The following CACNG3 variants were observed in gnomAD, a reference collection of about 807,000 sequenced individuals.
The protein encoded by CACNG3 is voltage-dependent calcium channel gamma-3 subunit.
CACNG3 carries 3 observed loss-of-function variants against 28.5 expected under a neutral mutation model. The ratio of observed to expected loss-of-function variants is 0.11; its 90% CI spans 0.05 to 0.27. The LOEUF (loss-of-function observed/expected upper bound fraction) is 0.27, where lower values mean the gene tolerates loss of function less well. Among genes scored for constraint, CACNG3 ranks in the 10% least tolerant of loss-of-function variants. CACNG3 has a pLI of 1.00. For missense variants in CACNG3, 236 were observed against 414.4 expected, an observed-to-expected ratio of 0.57 and a Z score of 3.74; for synonymous variants, 174 against 162.2, an observed-to-expected ratio of 1.07 and a Z score of -0.55.
intron 1 of CACNG3, among the ~76,000 whole-genome samples, chr16:24,296,115 T>A (rs1899029322): frequency 6.6e-6 from 1 of 152,180 alleles, no homozygotes; most frequent in Admixed American, 6.5e-5. Context: ...GCCCCCAGGA[T>A]GACAAGGTCA....
intron 2 of CACNG3, among the ~76,000 whole-genome samples, chr16:24,353,577 G>T (rs911090707): frequency 6.6e-6 from 1 of 152,082 alleles, no homozygotes; most frequent in African/African-American, 2.4e-5. Context: ...ACTCTGCTTC[G>T]ACTCCTCAGC....
chr16:24,266,351 C>T (rs1219316358), intron 1 of CACNG3, among the ~76,000 whole-genome samples: 2 of 152,146 alleles, frequency 1.3e-5, no homozygotes, highest in African/African-American at 4.8e-5. Flanking sequence ...GTTCAGTATG[C>T]TCATGAAACT....
intron 2 of CACNG3, among the ~76,000 whole-genome samples, chr16:24,347,787 T>C (rs1468856123): frequency 1.3e-5 from 2 of 152,254 alleles, no homozygotes; most frequent in African/African-American, 2.4e-5. Context: ...CTCTGGAATC[T>C]GGGCTTTGAC....
At chr16:24,289,105 C>T (rs1452793589) in intron 1 of CACNG3, among the ~76,000 whole-genome samples, 6 of 152,240 alleles carry the variant, frequency 3.9e-5, no homozygotes, top group Middle Eastern at 3.4e-3. Context: ...AACCGCATGT[C>T]TACAAAGGTA....
chr16:24,279,058 G>A (rs532179137), intron 1 of CACNG3, among the ~76,000 whole-genome samples: 2 of 152,312 alleles, frequency 1.3e-5, no homozygotes, highest in African/African-American at 4.8e-5. Context: ...ATACAGTAAT[G>A]GCTGGAGCAG....
At chr16:24,286,941 C>T (rs951906927) in intron 1 of CACNG3, among the ~76,000 whole-genome samples, 2 of 152,168 alleles carry the variant, frequency 1.3e-5, no homozygotes, top group Admixed American at 1.3e-4. Flanking sequence ...GAGGAAGGCT[C>T]CTGTGCAAGG....
intron 1 of CACNG3, among the ~76,000 whole-genome samples, chr16:24,307,796 G>A (rs887141468): frequency 7.2e-5 from 11 of 152,138 alleles, no homozygotes; most frequent in African/African-American, 2.2e-4. Flanking sequence ...GAATGGTGGC[G>A]TGAAACATGG....
chr16:24,303,633 G>T (rs1027838114), intron 1 of CACNG3, among the ~76,000 whole-genome samples: 2 of 151,312 alleles, frequency 1.3e-5, no homozygotes, highest in African/African-American at 4.9e-5. Flanking sequence ...ATTTGCTTGC[G>T]AAGTGGTTGG....
chr16:24,256,940 G>A lies in CACNG3; in HGVS notation c.186G>A (p.Gly62=), dbSNP rs1480562008. Residue 62 remains glycine (G), a synonymous_variant, in exon 1 of 4, where the codon GGG becomes GGA. Transcript: ENST00000005284. This position sits in a 1 kb window ranked among gnomAD's most constrained non-coding sequence, Gnocchi z 4.6. The part of the protein sequence containing the change: ...RKNEEVMTHS[G]LWRTCCLEGA... ...ATGAAGAAGTAATGACCCATTCGGG[G>A]CTGTGGAGGACCTGCTGCCTAGAAG... 3 of 1,612,798 alleles carry A rather than the reference G, an allele frequency of 1.9e-6. No individual in the cohort carries two copies. The highest frequency in any genetic ancestry group is 2.5e-6 in the Non-Finnish European group (3 of 1,178,838).
intron 1 of CACNG3, among the ~76,000 whole-genome samples, chr16:24,275,114 A>C (rs1262755868): frequency 6.6e-6 from 1 of 151,998 alleles, no homozygotes; most frequent in Admixed American, 6.6e-5. Context: ...AATCCCAGCT[A>C]CTCAGGAAGC....
chr16:24,296,424 C>G (rs1333990045), intron 1 of CACNG3, among the ~76,000 whole-genome samples: 1 of 152,162 alleles, frequency 6.6e-6, no homozygotes, highest in Non-Finnish European at 1.5e-5. Context: ...TGCACAAAAA[C>G]TTAATCAATT....
At chr16:24,328,611 C>A (rs938033159) in intron 1 of CACNG3, among the ~76,000 whole-genome samples, 1 of 151,562 alleles carries the variant, frequency 6.6e-6, no homozygotes, top group Admixed American at 6.6e-5. Flanking sequence ...TAAATATAAA[C>A]AAGATATTTC....
intron 3 of CACNG3, among the ~76,000 whole-genome samples, chr16:24,359,777 G>A (rs1343397970): frequency 6.6e-6 from 1 of 152,066 alleles, no homozygotes; most frequent in Non-Finnish European, 1.5e-5. Flanking sequence ...GAGGGAAGAT[G>A]CCTTTAGCCC....
At chr16:24,278,307 A>T (rs919445425) in intron 1 of CACNG3, among the ~76,000 whole-genome samples, 3 of 152,198 alleles carry the variant, frequency 2.0e-5, no homozygotes, top group Non-Finnish European at 4.4e-5. Context: ...CATGCATAAC[A>T]AGTAAAATAA....
At chr16:24,318,680 C>A (rs899610634) in intron 1 of CACNG3, among the ~76,000 whole-genome samples, 1 of 152,112 alleles carries the variant, frequency 6.6e-6, no homozygotes, top group African/African-American at 2.4e-5. Flanking sequence ...AACAGGACAC[C>A]TCCTGTTGCA....
intron 1 of CACNG3, among the ~76,000 whole-genome samples, chr16:24,272,815 C>T (rs11645882): frequency 0.2 from 30,288 of 151,936 alleles, 3,499 homozygotes; most frequent in Non-Finnish European, 0.28. Flanking sequence ...CTATTTAGTA[C>T]TTTGAAATAT....
intron 1 of CACNG3, among the ~76,000 whole-genome samples, chr16:24,312,373 T>G (rs892428556): frequency 2.0e-5 from 3 of 152,186 alleles, no homozygotes; most frequent in African/African-American, 7.2e-5. Flanking sequence ...CAAAGTCAGA[T>G]TACCTGGGTT....
At chr16:24,343,767 C>T (rs765237394) in intron 1 of CACNG3, among the ~76,000 whole-genome samples, 12 of 152,140 alleles carry the variant, frequency 7.9e-5, no homozygotes, top group Non-Finnish European at 1.2e-4. Flanking sequence ...ATTTCCTCCT[C>T]ATATTAATAA....
At position 24,361,982 on chromosome 16, in the gene CACNG3, C is replaced by T; in HGVS notation, c.*119C>T. On this transcript the variant is annotated 3_prime_UTR_variant, in exon 4 of 4. Transcript: ENST00000005284. The surrounding 1 kb of genome is among the most constrained non-coding windows in gnomAD (Gnocchi z 6.8). ...TATTACTTTTTACAAAGAATGAAAC[C>T]AAATGGACTCAGCCCTCTCCCACAT... 1 of 1,008,722 alleles carries T rather than the reference C, an allele frequency of 9.9e-7. No homozygotes were observed. The highest frequency in any genetic ancestry group is 1.4e-6 in the Non-Finnish European group (1 of 706,130). 62.5% of individuals were successfully genotyped at this position (1,008,722 alleles called of 1,614,324 possible). A position where few individuals can be genotyped will look rare whatever the true frequency, so the allele number is the denominator to read the frequency against.
Sources: gnomAD v4.1 joint callset for allele counts (sites outside exome capture counted in the v4.1 genomes callset) on GRCh38, gnomAD v4.1.1 for gene constraint, Gnocchi (gnomAD v3.1) non-coding constraint, MANE v1.5 for transcripts, NCBI Gene and HGNC (gene_info 2026-07-23, HGNC 2026-07-21) for gene names.